HIF1A: variants seen among roughly 807,000 people sequenced by gnomAD.
HIF1A encodes hypoxia inducible factor 1 subunit alpha.
A neutral mutation model predicts 92.7 loss-of-function variants in HIF1A; 24 were observed. The observed-to-expected ratio is 0.26, with a 90% CI of 0.19 to 0.36. The LOEUF (loss-of-function observed/expected upper bound fraction) is 0.36, where lower values mean the gene tolerates loss of function less well. Among genes scored for constraint, HIF1A ranks in the 10% least tolerant of loss-of-function variants. The pLI, the probability that HIF1A is intolerant of heterozygous loss-of-function variation, is 1.00. For missense variants in HIF1A, 799 were observed against 998.5 expected (o/e 0.80, Z 2.69); for synonymous variants, 319 against 338.7 (o/e 0.94, Z 0.64).
chr14:61,696,005 C>A (rs1462278776), intron 1 of HIF1A, among the ~76,000 whole-genome samples, 166 bp downstream of exon 1: 1 of 152,218 alleles, frequency 6.6e-6, no homozygotes, highest in Non-Finnish European at 1.5e-5. Flanking sequence ...GCCGGCCGGG[C>A]TCCCCCGCTG....
In HIF1A at chr14:61,745,068, C is replaced by T. The variant is rs1489851766; in HGVS notation, c.2202+255C>T. Reference sequence around the variant, plus strand: ...GTTAAAAAGTGAAGTTCTCCCCTTACTCCACCCTGAATATCACCACCAATC... The same window carrying T: ...GTTAAAAAGTGAAGTTCTCCCCTTATTCCACCCTGAATATCACCACCAATC... On this transcript the variant is annotated intron_variant, in intron 13 of 14. Transcript: ENST00000337138. Among the ~76,000 whole-genome samples, 4 of 152,164 alleles carry T rather than the reference C, an allele frequency of 2.6e-5. No homozygotes were observed. In the East Asian group the frequency reaches 5.8e-4, roughly 22 times the overall value.
chr14:61,708,064 TGAGC>T (rs1445474821), intron 1 of HIF1A, among the ~76,000 whole-genome samples: 4 of 152,242 alleles, frequency 2.6e-5, no homozygotes, highest in Admixed American at 2.6e-4. Context: ...CCAGTGATGA[TGAGC>T]ATTTTTTCAT....
At chr14:61,697,921 C>G (rs774960388) in intron 1 of HIF1A, 1 of 1,520,692 alleles carries the variant, frequency 6.6e-7, no homozygotes, top group South Asian at 1.2e-5. Flanking sequence ...AACTCAAAAC[C>G]TGAAGAATTG....
chr14:61,721,378 T>C, intron 2 of HIF1A, 131 bp from the exon 3 acceptor site: 1 of 666,666 alleles, frequency 1.5e-6, no homozygotes, highest in East Asian at 2.7e-5. Flanking sequence ...GGCCTGCACT[T>C]TTCTGTGTTG....
intron 14 of HIF1A, 70 bp from the exon 15 acceptor site, chr14:61,746,864 C>A (rs964815059): frequency 8.0e-7 from 1 of 1,248,658 alleles, no homozygotes; most frequent in African/African-American, 1.5e-5. Context: ...ATACCTAACA[C>A]ATTGTGGGTG....
chr14:61,714,402 C>G (rs1474008824), intron 1 of HIF1A, among the ~76,000 whole-genome samples: 2 of 152,070 alleles, frequency 1.3e-5, no homozygotes, highest in Admixed American at 1.3e-4. Context: ...CCTAAAATTC[C>G]TTCAAATATG....
intron 1 of HIF1A, among the ~76,000 whole-genome samples, chr14:61,717,392 A>G (rs767113658): frequency 1.3e-5 from 2 of 152,214 alleles, no homozygotes; most frequent in Non-Finnish European, 2.9e-5. Flanking sequence ...TTTTTCCATT[A>G]AATCTTTATT....
At chr14:61,743,189 A>C (rs2044735253) in intron 12 of HIF1A, among the ~76,000 whole-genome samples, 2 of 152,058 alleles carry the variant, frequency 1.3e-5, no homozygotes, top group African/African-American at 4.8e-5. Flanking sequence ...CTCGTGCCTC[A>C]GCCTCCCGAG....
In HIF1A at chr14:61,725,914, C is replaced by A. The variant is rs115652495; in HGVS notation, c.458-792C>A. On this transcript the variant is annotated intron_variant, in intron 4 of 14. Transcript: ENST00000337138. ...AGCTCACTGCAACCTCTGCCTCCCA[C>A]GTTCGAGTGATTCCCCTGCCTCAGT... Among the ~76,000 whole-genome samples, 1,361 of 151,550 alleles carry A rather than the reference C, an allele frequency of 9.0e-3. 15 individuals are homozygous for A. Among genetic ancestry groups the A allele is most frequent in the African/African-American group, 0.03 (1,257 of 41,296 alleles).
At chr14:61,736,431 C>T (rs995932529) in intron 8 of HIF1A, among the ~76,000 whole-genome samples, 3 of 151,668 alleles carry the variant, frequency 2.0e-5, no homozygotes, top group Non-Finnish European at 4.4e-5. Context: ...TACAATTGAT[C>T]CTGTCACCCA....
intron 7 of HIF1A, among the ~76,000 whole-genome samples, chr14:61,732,851 CAG>C (rs980979679): frequency 4.6e-5 from 7 of 152,306 alleles, no homozygotes; most frequent in Admixed American, 1.3e-4. Flanking sequence ...AAAAGGCACT[CAG>C]AAAGTATTTG....
intron 12 of HIF1A, among the ~76,000 whole-genome samples, chr14:61,743,693 T>G (rs2044742071): frequency 2.0e-5 from 3 of 152,204 alleles, no homozygotes; most frequent in Non-Finnish European, 4.4e-5. Flanking sequence ...GCATTTGGTT[T>G]GTGGGGTGTC....
chr14:61,727,394 CT>C (rs367862168), intron 5 of HIF1A, 58 bp from the exon 6 acceptor site: 160 of 1,271,560 alleles, frequency 1.3e-4, no homozygotes, highest in Middle Eastern at 3.7e-4. Flanking sequence ...CTTATCTCTG[CT>C]TTTTTTTTCC....
intron 1 of HIF1A, among the ~76,000 whole-genome samples, chr14:61,713,127 A>C (rs565543769): frequency 6.6e-6 from 1 of 152,276 alleles, no homozygotes; most frequent in African/African-American, 2.4e-5. Flanking sequence ...AGTGTGGCTG[A>C]AGAATGTGGA....
intron 9 of HIF1A, 22 bp downstream of exon 9, chr14:61,737,131 T>C: frequency 2.6e-6 from 4 of 1,542,952 alleles, no homozygotes; most frequent in Non-Finnish European, 3.6e-6. Context: ...TTTTTGTTAA[T>C]CCCCTAAATT....
At position 61,695,736 on chromosome 14, in the gene HIF1A, AG is replaced by A. The variant is rs895645626; in HGVS notation, c.-68del. 48 of 1,518,010 alleles carry A rather than the reference AG, an allele frequency of 3.2e-5. 1 individual carries two copies. Among genetic ancestry groups the A allele is most frequent in the Non-Finnish European group, 4.1e-5 (46 of 1,117,502 alleles). 94.0% of individuals were successfully genotyped at this position (1,518,010 alleles called of 1,614,324 possible). A position where few individuals can be genotyped will look rare whatever the true frequency, so the allele number is the denominator to read the frequency against. ...CCTTCTCTTCTCCGCGTGTGGAGGGAGCCAGCGCTTAGGCCGGAGCGAGCCT... is the reference window on the plus strand; with the variant it reads ...CCTTCTCTTCTCCGCGTGTGGAGGGACCAGCGCTTAGGCCGGAGCGAGCCT... On this transcript the variant is annotated 5_prime_UTR_variant, in exon 1 of 15. Transcript: ENST00000337138.
At chr14:61,708,561 A>C (rs1431382273) in intron 1 of HIF1A, among the ~76,000 whole-genome samples, 1 of 152,128 alleles carries the variant, frequency 6.6e-6, no homozygotes, top group Non-Finnish European at 1.5e-5. Flanking sequence ...TAAATAGGGA[A>C]TCCTTTCCCC....
rs73331628 is a variant in HIF1A, at chr14:61,721,679, T to C, written c.372+25T>C. 2.4e-3 allele frequency: 3,910 copies of C among 1,608,520 alleles called. 73 individuals are homozygous for C. The African/African-American group carries it at 0.039, about 16-fold the overall frequency. ...GGTAAAATGCACACATATTAAGAGC[T>C]CTTCTATATGTTTTTATGATTTTAT... On this transcript the variant is annotated intron_variant, in intron 3 of 14. Coordinates refer to ENST00000337138, the MANE Select transcript of HIF1A (RefSeq NM_001530.4).
Position 61,695,809 on chromosome 14 carries a change from A to G in HIF1A, c.5A>G (p.Glu2Gly). M[E>G]GAGGANDKKK... ...CATCGCGGGGACCGATTCACCATGG[A>G]GGGCGCCGGCGGCGCGAACGACAAG... The change falls in exon 1 of 15, where the codon GAG (glutamate) becomes GGG (glycine). Residue 2 changes from glutamate to glycine, a missense_variant. By Grantham distance (98) the Glu-to-Gly change is moderately conservative. Coordinates refer to ENST00000337138, the MANE Select transcript of HIF1A (RefSeq NM_001530.4). 1 of 1,596,532 alleles carries G rather than the reference A, an allele frequency of 6.3e-7. No individual in the cohort carries two copies. The highest frequency in any genetic ancestry group is 2.3e-5 in the East Asian group (1 of 43,982).
Sources: gnomAD v4.1 joint callset for allele counts (sites outside exome capture counted in the v4.1 genomes callset) on GRCh38, gnomAD v4.1.1 for gene constraint, MANE v1.5 for transcripts, NCBI Gene and HGNC (gene_info 2026-07-23, HGNC 2026-07-21) for gene names.